Variants in PSEN2 observed in about 807,000 individuals in gnomAD.
PSEN2 encodes presenilin 2.
Under a neutral mutation model 49.1 loss-of-function variants are expected in PSEN2, and 32 were observed. The observed-to-expected ratio is 0.65, with a 90% CI of 0.49 to 0.88. The LOEUF (loss-of-function observed/expected upper bound fraction) is 0.88, where lower values mean the gene tolerates loss of function less well. Ranked by LOEUF, PSEN2 falls within the 40% of genes least tolerant of loss-of-function variation. The pLI is 0.00. For missense variants in PSEN2, 522 were observed against 586.9 expected (o/e 0.89, Z 1.14); for synonymous variants, 255 against 244.0 (o/e 1.05, Z -0.42).
At chr1:226,901,434 C>CAAA (rs71179182), downstream of PSEN2, among the ~76,000 whole-genome samples, 23 of 117,724 alleles carry the variant, frequency 2.0e-4, no homozygotes, top group African/African-American at 5.4e-4. Flanking sequence ...GAAACTGTCT[C>CAAA]AAAAAAAAAA....
chr1:226,894,194 C>A, intron 12 of PSEN2, 69 bp downstream of exon 12: 2 of 1,084,676 alleles, frequency 1.8e-6, no homozygotes, highest in Non-Finnish European at 2.8e-6. Context: ...GTGGTGGGGG[C>A]AGGTCTCAGG....
At chr1:226,874,226 G>A (rs1403263608) in intron 2 of PSEN2, among the ~76,000 whole-genome samples, 3 of 152,080 alleles carry the variant, frequency 2.0e-5, no homozygotes, top group Non-Finnish European at 4.4e-5. Flanking sequence ...CTGCCTGTGT[G>A]ACCAAACCCT....
At chr1:226,890,952 C>T in intron 9 of PSEN2, 1 of 385,828 alleles carries the variant, frequency 2.6e-6, no homozygotes, top group Non-Finnish European at 4.8e-6. Context: ...TGAGCGGAGA[C>T]CATGTATGGA....
intron 6 of PSEN2, 58 bp from the exon 7 acceptor site, chr1:226,888,033 G>T: frequency 7.3e-7 from 1 of 1,371,200 alleles, no homozygotes; most frequent in Non-Finnish European, 1.0e-6. Context: ...GATCCTGGGG[G>T]CCTTAGAATT....
At chr1:226,879,624 C>G (rs1267804859) in intron 3 of PSEN2, among the ~76,000 whole-genome samples, 1 of 152,204 alleles carries the variant, frequency 6.6e-6, no homozygotes, top group Non-Finnish European at 1.5e-5. Flanking sequence ...GTGGTTACCT[C>G]TTTCCAGAAT....
At chr1:226,897,615 AAGAC>A (rs1301352604), downstream of PSEN2, 27 of 155,160 alleles carry the variant, frequency 1.7e-4, no homozygotes, top group Admixed American at 1.8e-3. Context: ...GAATTTGTAA[AAGAC>A]AGCATTCGAA....
intron 3 of PSEN2, among the ~76,000 whole-genome samples, chr1:226,880,093 GCTGA>G (rs1473354099): frequency 1.3e-5 from 2 of 152,212 alleles, no homozygotes; most frequent in Non-Finnish European, 2.9e-5. Context: ...ACCACATATA[GCTGA>G]GTGTAGTGGT....
downstream of PSEN2, among the ~76,000 whole-genome samples, chr1:226,896,809 C>A (rs12076480): frequency 6.6e-6 from 1 of 151,944 alleles, no homozygotes; most frequent in Admixed American, 6.6e-5. Flanking sequence ...TGCAATGAGC[C>A]GAGATCAAGC....
At chr1:226,894,258 G>T in intron 12 of PSEN2, 133 bp downstream of exon 12, 2 of 683,148 alleles carry the variant, frequency 2.9e-6, no homozygotes, top group Non-Finnish European at 5.0e-6. Context: ...AGAGCAGGGA[G>T]CGGGGCTGGA....
At chr1:226,893,544 C>T (rs1661900052) in intron 11 of PSEN2, among the ~76,000 whole-genome samples, 2 of 152,070 alleles carry the variant, frequency 1.3e-5, no homozygotes, top group South Asian at 4.1e-4. Context: ...AGACTAATTC[C>T]CAGTTATATT....
intron 7 of PSEN2, 72 bp downstream of exon 7, chr1:226,888,230 G>C: frequency 7.4e-7 from 1 of 1,360,432 alleles, no homozygotes; most frequent in Non-Finnish European, 1.0e-6. Context: ...TGGGCATGAG[G>C]ACCTGGGCGG....
chr1:226,894,047 T>C lies in PSEN2; in HGVS notation c.1113T>C (p.Ser371=), dbSNP rs1437467384. The C allele has an allele frequency of 1.2e-6, 2 of 1,613,998 alleles. No homozygotes were observed. Among genetic ancestry groups the C allele is most frequent in the Non-Finnish European group, 1.7e-6 (2 of 1,180,004 alleles). ...KLGLGDFIFY[S]VLVGKAAATG... is the part of the protein sequence containing the mutation. ...GCCTCGGGGACTTCATCTTCTACAG[T>C]GTGCTGGTGGGCAAGGCGGCTGCCA... The change falls in exon 12 of 13, where the codon AGT becomes AGC. Residue 371 remains serine, a synonymous_variant. Coordinates refer to ENST00000366783, the MANE Select transcript of PSEN2 (RefSeq NM_000447.3).
intron 3 of PSEN2, chr1:226,880,432 A>G (rs201102002): frequency 8.3e-5 from 103 of 1,245,260 alleles, no homozygotes; most frequent in Non-Finnish European, 9.8e-5. Context: ...TTGGAGACGA[A>G]CTTTCAGCAG....
At chr1:226,892,023 C>T (rs1661790977) in intron 11 of PSEN2, among the ~76,000 whole-genome samples, 179 bp downstream of exon 11, 1 of 152,176 alleles carries the variant, frequency 6.6e-6, no homozygotes, top group African/African-American at 2.4e-5. Context: ...CAGCAGGCCC[C>T]ATGTAGTTGT....
Position 226,891,765 on chromosome 1 carries a change from T to C in PSEN2, c.993T>C (p.Phe331=), listed in dbSNP as rs200044441. 5.0e-6 allele frequency: 8 copies of C among 1,614,006 alleles called. No individual in the cohort carries two copies. In the African/African-American group the frequency reaches 5.3e-5, roughly 11 times the overall value. Residue 331 remains phenylalanine (F), a synonymous_variant, in exon 11 of 13, where the codon TTT becomes TTC. Coordinates refer to ENST00000366783, the MANE Select transcript of PSEN2 (RefSeq NM_000447.3). The stretch of plus-strand genomic sequence containing the variant: ...CAGAAGAAGACTCCTATGACAGTTT[T>C]GGGGAGCCTTCATACCCCGAAGTCT... ...PEMEEDSYDS[F]GEPSYPEVFE...
rs757169630 is a variant in PSEN2 at position 226,891,862 on chromosome 1, A to C, written c.1072+18A>C. ...GGAGGAAAGTAAGGTGCCCATGTTCACACGGCCTGCTTCAGCCTACGGCGG... is the reference window on the plus strand; with the variant it reads ...GGAGGAAAGTAAGGTGCCCATGTTCCCACGGCCTGCTTCAGCCTACGGCGG... On this transcript the variant is annotated intron_variant, in intron 11 of 12. Transcript: ENST00000366783. The C allele has an allele frequency of 3.1e-6, 5 of 1,606,188 alleles. No individual in the cohort carries two copies. In the Admixed American group the frequency reaches 8.3e-5, roughly 27 times the overall value.
intron 3 of PSEN2, among the ~76,000 whole-genome samples, chr1:226,878,514 C>G (rs952700676): frequency 1.3e-5 from 2 of 152,184 alleles, no homozygotes; most frequent in African/African-American, 2.4e-5. Context: ...TCTGCTTATC[C>G]ATTTTTGTTG....
intron 2 of PSEN2, among the ~76,000 whole-genome samples, chr1:226,871,964 T>C (rs560494344): frequency 6.6e-6 from 1 of 152,308 alleles, no homozygotes; most frequent in East Asian, 1.9e-4. Context: ...CTTGGGGGCA[T>C]GTTGCTTTGA....
Position 226,895,853 on chromosome 1 carries a change from G to A in PSEN2, c.*274G>A. Reference sequence around the variant, plus strand: ...ACTGAGAAGGTCAGATTAGGGCGGGGAGAAGAGCATCCGGCATGAGGGCTG... The same window carrying A: ...ACTGAGAAGGTCAGATTAGGGCGGGAAGAAGAGCATCCGGCATGAGGGCTG... On this transcript the variant is annotated 3_prime_UTR_variant, in exon 13 of 13. Coordinates refer to ENST00000366783, the MANE Select transcript of PSEN2 (RefSeq NM_000447.3). 3.8e-6 allele frequency: 2 copies of A among 520,330 alleles called. No homozygotes were observed. The highest frequency in any genetic ancestry group is 2.1e-5 in the South Asian group (1 of 48,050). The allele number at this position is 520,330 out of a possible 1,614,324, so 32.2% of individuals were successfully genotyped here.
Sources: gnomAD v4.1 joint callset for allele counts (sites outside exome capture counted in the v4.1 genomes callset) on GRCh38, gnomAD v4.1.1 for gene constraint, MANE v1.5 for transcripts, NCBI Gene and HGNC (gene_info 2026-07-23, HGNC 2026-07-21) for gene names.